PEX16: variants seen among roughly 807,000 people sequenced by gnomAD.
PEX16 encodes peroxisomal biogenesis factor 16, also known as peroxin 16.
In PEX16, 37 loss-of-function variants were observed where a neutral mutation model predicts 50.5. That is an observed-to-expected ratio of 0.73 (90% CI 0.56 to 0.96). The LOEUF is 0.96. Among genes scored for constraint, PEX16 ranks in the 40% least tolerant of loss-of-function variants. The pLI, the probability that PEX16 is intolerant of heterozygous loss-of-function variation, is 0.00. For synonymous variants in PEX16, 185 were observed against 190.3 expected (o/e 0.97, Z 0.23); for missense variants, 401 against 438.3 (o/e 0.91, Z 0.76).
intron 9 of PEX16, chr11:45,912,046 G>T (rs986057586): frequency 6.6e-6 from 1 of 151,772 alleles, no homozygotes; most frequent in African/African-American, 2.4e-5. Context: ...GAAAAGAAAA[G>T]AAGAAGGCTG....
Position 45,910,264 on chromosome 11 carries a change from C to T in PEX16, c.1001G>A (p.Ser334Asn), listed in dbSNP as rs2086762416. 1.2e-6 allele frequency: 2 copies of T among 1,613,606 alleles called. No homozygotes were observed. The highest frequency in any genetic ancestry group is 1.1e-5 in the South Asian group (1 of 91,074). ...CTTCCGGGAGGTCTGTCAGCCCCAA[C>T]TGTAGAAGTAGATTTTCTGCCAGGT... ...LPTWQKIYFY[S>N]WG is the part of the protein sequence containing the mutation. Residue 334 changes from serine to asparagine, a missense_variant, in exon 11 of 11, where the codon AGT becomes AAT. Coordinates refer to ENST00000378750, the MANE Select transcript of PEX16 (RefSeq NM_004813.4).
At chr11:45,917,995 T>C (rs745333570), upstream of PEX16, 358 of 661,310 alleles carry the variant, frequency 5.4e-4, no homozygotes, top group Non-Finnish European at 8.3e-4. Flanking sequence ...CTTGAACCGC[T>C]TCCCACTCGG....
chr11:45,915,342 AAC>A, intron 5 of PEX16, 124 bp downstream of exon 5: 1 of 709,388 alleles, frequency 1.4e-6, no homozygotes, highest in Non-Finnish European at 2.6e-6. Flanking sequence ...TGGCAATGAG[AAC>A]ACATAGTTGA....
intron 2 of PEX16, 144 bp from the exon 3 acceptor site, chr11:45,916,447 A>G (rs908320613): frequency 1.1e-5 from 8 of 743,204 alleles, no homozygotes; most frequent in Non-Finnish European, 2.0e-5. Flanking sequence ...TTCTCCACCC[A>G]CTTCCTCAGC....
intron 3 of PEX16, 61 bp from the exon 4 acceptor site, chr11:45,915,897 TCTC>T: frequency 1.3e-6 from 2 of 1,531,660 alleles, no homozygotes; most frequent in Non-Finnish European, 1.8e-6. Flanking sequence ...CCCAGGCCCT[TCTC>T]CTAGGAGGGA....
At chr11:45,913,769 G>A (rs774500705) in intron 9 of PEX16, 50 bp downstream of exon 9, 1 of 1,610,762 alleles carries the variant, frequency 6.2e-7, no homozygotes, top group South Asian at 1.1e-5. Flanking sequence ...CGGAGCACCA[G>A]TGCCCGCTTG....
intron 5 of PEX16, among the ~76,000 whole-genome samples, chr11:45,914,995 A>G (rs993830873): frequency 1.3e-5 from 2 of 152,256 alleles, no homozygotes; most frequent in African/African-American, 4.8e-5. Flanking sequence ...TGGAGACCAC[A>G]GCACCAGAGG....
Position 45,913,693 on chromosome 11 carries a change from C to G in PEX16, c.887+126G>C, listed in dbSNP as rs2086800383. The G allele has an allele frequency of 1.6e-5, 18 of 1,128,372 alleles. No homozygotes were observed. The Admixed American group carries it at 3.0e-4, about 19-fold the overall frequency. The allele number at this position is 1,128,372 out of a possible 1,614,324, so 69.9% of individuals were successfully genotyped here. On this transcript the variant is annotated intron_variant, in intron 9 of 10. Transcript: ENST00000378750. The stretch of plus-strand genomic sequence containing the variant: ...GGGCTGGCATCTGGTGACTGCCACC[C>G]GGACAACACACAGTGCTTGGTGAAC...
At position 45,914,184 on chromosome 11, in the gene PEX16, C is replaced by A; in HGVS notation, c.714G>T (p.Trp238Cys). 1 of 1,612,666 alleles carries A rather than the reference C, an allele frequency of 6.2e-7. No individual in the cohort carries two copies. Among genetic ancestry groups the A allele is most frequent in the Non-Finnish European group, 8.5e-7 (1 of 1,179,446 alleles). ...GCCAGGGTTTCCACGACCTCTGACC[C>A]CACAGGCCCAGGCTGAGCACTGACG... ...PLLHLLSLGL[W>C]GQRSWKPWLL... The change falls in exon 8 of 11, where the codon TGG becomes TGT. Residue 238 changes from tryptophan to cysteine, a missense_variant. Trp to Cys is a radical substitution (Grantham distance 215). Coordinates refer to ENST00000378750, the MANE Select transcript of PEX16 (RefSeq NM_004813.4).
chr11:45,917,851 G>C lies in PEX16; in HGVS notation c.-40C>G, dbSNP rs1235133580. On this transcript the variant is annotated 5_prime_UTR_variant, in exon 1 of 11. Transcript: ENST00000378750. ...CGACAGACCCACAGAAGGACCGTAC[G>C]ACAGGCTGCGGCGCCCTGCTTCCTG... 3 of 1,411,956 alleles carry C rather than the reference G, an allele frequency of 2.1e-6. No individual in the cohort carries two copies. The highest frequency in any genetic ancestry group is 2.0e-5 in the Admixed American group (1 of 50,866). The allele number at this position is 1,411,956 out of a possible 1,614,324, so 87.5% of individuals were successfully genotyped here.
In PEX16 at chr11:45,914,368, C is replaced by T; in HGVS notation, c.642G>A (p.Gly214=). The T allele has an allele frequency of 6.2e-7, 1 of 1,611,264 alleles. No homozygotes were observed. Among genetic ancestry groups the T allele is most frequent in the Non-Finnish European group, 8.5e-7 (1 of 1,180,030 alleles). ...AAAACTCTGCGATGGTCTCCTGCAG[C>T]CCCAGGGGGGTGGGGGTCGCACTCA... ...EELSATPTPL[G]LQETIAEFLY... Residue 214 remains glycine, a synonymous_variant, in exon 7 of 11, where the codon GGG becomes GGA. Transcript: ENST00000378750.
chr11:45,913,352 G>C (rs965393664), intron 9 of PEX16, among the ~76,000 whole-genome samples: 2 of 152,298 alleles, frequency 1.3e-5, no homozygotes, highest in East Asian at 1.9e-4. Context: ...GTGACTGAGT[G>C]GGGGCTGGGC....
Position 45,910,251 on chromosome 11 carries a change from C to A in PEX16, c.*3G>T, listed in dbSNP as rs1445047921. The A allele has an allele frequency of 1.2e-6, 2 of 1,613,416 alleles. No homozygotes were observed. Among genetic ancestry groups the A allele is most frequent in the African/African-American group, 2.7e-5 (2 of 74,926 alleles). On this transcript the variant is annotated 3_prime_UTR_variant, in exon 11 of 11. Transcript: ENST00000378750. ...TCCCCACACCCTCCTTCCGGGAGGTCTGTCAGCCCCAACTGTAGAAGTAGA... is the reference window on the plus strand; with the variant it reads ...TCCCCACACCCTCCTTCCGGGAGGTATGTCAGCCCCAACTGTAGAAGTAGA...
chr11:45,917,577 C>G (rs1013846554), intron 1 of PEX16, 84 bp from the exon 2 acceptor site: 1 of 1,544,286 alleles, frequency 6.5e-7, no homozygotes, highest in African/African-American at 1.4e-5. Flanking sequence ...CTCCCTACGC[C>G]CTTTGGGAAC....
intron 2 of PEX16, 60 bp downstream of exon 2, chr11:45,917,398 G>A (rs2086848222): frequency 1.9e-6 from 3 of 1,540,138 alleles, no homozygotes; most frequent in Middle Eastern, 1.8e-4. Context: ...CCCTCTCTGG[G>A]GAACTCACCA....
At chr11:45,917,999 C>T, upstream of PEX16, 2 of 660,740 alleles carry the variant, frequency 3.0e-6, no homozygotes, top group Non-Finnish European at 5.5e-6. Flanking sequence ...AACCGCTTCC[C>T]ACTCGGGTAG....
chr11:45,910,835 G>A, intron 10 of PEX16, 63 bp downstream of exon 10: 2 of 1,335,752 alleles, frequency 1.5e-6, no homozygotes, highest in South Asian at 2.3e-5. Flanking sequence ...AGAGGAGTCA[G>A]GGAGGTGCTT....
chr11:45,918,005 G>C (rs547633051), upstream of PEX16: 79 of 650,192 alleles, frequency 1.2e-4, 1 homozygote, highest in African/African-American at 1.1e-3. Flanking sequence ...TTCCCACTCG[G>C]GTAGCCCTTA....
At chr11:45,910,984 G>A in intron 9 of PEX16, 22 bp from the exon 10 acceptor site, 2 of 1,591,234 alleles carry the variant, frequency 1.3e-6, no homozygotes, top group Non-Finnish European at 1.7e-6. Context: ...AATAAATGGG[G>A]AGCAAGCTGA....
Sources: gnomAD v4.1 joint callset for allele counts (sites outside exome capture counted in the v4.1 genomes callset) on GRCh38, gnomAD v4.1.1 for gene constraint, MANE v1.5 for transcripts, NCBI Gene and HGNC (gene_info 2026-07-23, HGNC 2026-07-21) for gene names.